The following RORA variants were observed in gnomAD, a reference collection of about 807,000 sequenced individuals.
The protein encoded by RORA is RAR related orphan receptor A, also known as nuclear receptor ROR-alpha.
RORA carries 7 observed loss-of-function variants against 69.5 expected under a neutral mutation model. The observed-to-expected ratio is 0.10, with a 90% CI of 0.06 to 0.19. The LOEUF is 0.19. Among genes scored for constraint, RORA ranks in the 10% least tolerant of loss-of-function variants. The pLI, the probability that RORA is intolerant of heterozygous loss-of-function variation, is 1.00. For missense variants in RORA, 457 were observed against 663.0 expected (o/e 0.69, Z 3.41); for synonymous variants, 261 against 240.8 (o/e 1.08, Z -0.78).
intron 1 of RORA, among the ~76,000 whole-genome samples, chr15:61,033,452 A>C (rs1287780640): frequency 1.3e-5 from 2 of 150,742 alleles, no homozygotes; most frequent in African/African-American, 4.9e-5. Context: ...GGGACCCTTC[A>C]AATTTGTTAA....
intron 2 of RORA, chr15:60,627,335 C>T: frequency 6.2e-7 from 1 of 1,614,222 alleles, no homozygotes; most frequent in East Asian, 2.2e-5. Context: ...ACTCTTGCCT[C>T]AGTCTCTAAG....
chr15:60,879,209 G>A (rs1595786820), intron 1 of RORA, among the ~76,000 whole-genome samples: 1 of 152,288 alleles, frequency 6.6e-6, no homozygotes, highest in East Asian at 1.9e-4. Flanking sequence ...GGGGTTTACT[G>A]CAATAGAGAA....
At chr15:60,527,407 C>T (rs1050257266) in intron 3 of RORA, among the ~76,000 whole-genome samples, 2 of 152,238 alleles carry the variant, frequency 1.3e-5, no homozygotes, top group African/African-American at 2.4e-5. Context: ...TATTTTTATT[C>T]ACTTTGAAGA....
intron 1 of RORA, among the ~76,000 whole-genome samples, chr15:60,793,336 T>C (rs879336483): frequency 1.3e-5 from 2 of 152,188 alleles, no homozygotes; most frequent in African/African-American, 2.4e-5. Flanking sequence ...CTTAGAAGTG[T>C]CTTACACACC....
chr15:60,605,284 T>G (rs550844445), intron 2 of RORA, among the ~76,000 whole-genome samples: 4 of 152,034 alleles, frequency 2.6e-5, no homozygotes, highest in Non-Finnish European at 5.9e-5. Flanking sequence ...GAGTTTGTAC[T>G]CTCTGGAAAC....
At chr15:61,111,448 C>T (rs983268995) in intron 1 of RORA, among the ~76,000 whole-genome samples, 6 of 152,178 alleles carry the variant, frequency 3.9e-5, no homozygotes, top group Non-Finnish European at 7.4e-5. Flanking sequence ...GATGGCAACA[C>T]TACAAAATAA....
intron 1 of RORA, among the ~76,000 whole-genome samples, chr15:60,867,080 G>A (rs2073498292): frequency 6.6e-6 from 1 of 152,056 alleles, no homozygotes; most frequent in South Asian, 2.1e-4. Flanking sequence ...TTCCCAGGCT[G>A]GTCTTGAACT....
chr15:60,725,109 A>C (rs2553228), intron 1 of RORA, among the ~76,000 whole-genome samples: 7,413 of 152,294 alleles, frequency 0.049, 630 homozygotes, highest in African/African-American at 0.17. Context: ...AATTGACTTA[A>C]TTTCAATCTA....
At chr15:61,157,512 T>C (rs1377671539) in intron 1 of RORA, among the ~76,000 whole-genome samples, 1 of 152,186 alleles carries the variant, frequency 6.6e-6, no homozygotes, top group Non-Finnish European at 1.5e-5. Context: ...ACTACACAGA[T>C]ACAATATATT....
intron 1 of RORA, among the ~76,000 whole-genome samples, chr15:60,874,316 GC>G (rs1299727228): frequency 6.6e-6 from 1 of 152,058 alleles, no homozygotes; most frequent in Admixed American, 6.6e-5. Flanking sequence ...TATGCATTAA[GC>G]ATCAACTGTG....
At chr15:60,811,544 A>G (rs2072742801) in intron 1 of RORA, among the ~76,000 whole-genome samples, 1 of 152,250 alleles carries the variant, frequency 6.6e-6, no homozygotes, top group South Asian at 2.1e-4. Flanking sequence ...TGTGTATTTA[A>G]TCTGCTATCT....
intron 1 of RORA, among the ~76,000 whole-genome samples, chr15:60,997,268 G>A (rs969397743): frequency 5.3e-5 from 8 of 152,126 alleles, no homozygotes; most frequent in African/African-American, 1.7e-4. Flanking sequence ...GCACTTCAGA[G>A]GTGAAAAGGT....
At chr15:61,140,308 G>T (rs2079285908) in intron 1 of RORA, among the ~76,000 whole-genome samples, 1 of 152,202 alleles carries the variant, frequency 6.6e-6, no homozygotes, top group Non-Finnish European at 1.5e-5. Flanking sequence ...TGCTTTTAAA[G>T]TAGGTTAAGG....
Position 60,572,269 on chromosome 15 carries a change from G to A in RORA, c.197-40418C>T, listed in dbSNP as rs201746493. ...CTGCATTTCACATGGCCAGCAAAGG[G>A]CAAAGAGGGGACAATCACTGAGAAA... On this transcript the variant is annotated intron_variant, in intron 2 of 10. Coordinates refer to ENST00000335670, the MANE Select transcript of RORA (RefSeq NM_134261.3). Among the ~76,000 whole-genome samples the A allele has an allele frequency of 2.1e-4, 32 of 152,302 alleles. No homozygotes were observed. In the East Asian group the frequency reaches 5.8e-3, roughly 28 times the overall value.
At chr15:60,988,756 C>T (rs1894284761) in intron 1 of RORA, among the ~76,000 whole-genome samples, 2 of 152,150 alleles carry the variant, frequency 1.3e-5, no homozygotes, top group South Asian at 4.1e-4. Context: ...TGCAGTTTAA[C>T]AGACACTAAC....
At chr15:60,574,935 AG>A (rs2067983568) in intron 2 of RORA, among the ~76,000 whole-genome samples, 1 of 152,078 alleles carries the variant, frequency 6.6e-6, no homozygotes. Flanking sequence ...CACCCGGAAG[AG>A]CCAGGAGAGA....
In RORA at chr15:60,747,434, C is replaced by T. The variant is rs534299895; in HGVS notation, c.167-68748G>A. 5.3e-5 allele frequency among the ~76,000 whole-genome samples: 8 copies of T among 152,140 alleles called. No individual in the cohort carries two copies. In the South Asian group the frequency reaches 1.0e-3, roughly 20 times the overall value. The stretch of plus-strand genomic sequence containing the variant: ...GTGACTGGAAGTAGAGCAAAGATAT[C>T]GAAACAGATTTTTTAAAATTGGCAT... On this transcript the variant is annotated intron_variant, in intron 1 of 10. Transcript: ENST00000335670.
chr15:60,557,460 T>C (rs1028079625), intron 2 of RORA, among the ~76,000 whole-genome samples: 2 of 152,236 alleles, frequency 1.3e-5, no homozygotes, highest in Non-Finnish European at 2.9e-5. Context: ...AAGTTTTGGC[T>C]GAGTTACTTT....
At chr15:60,983,584 A>T (rs762869419) in intron 1 of RORA, among the ~76,000 whole-genome samples, 1 of 152,154 alleles carries the variant, frequency 6.6e-6, no homozygotes, top group African/African-American at 2.4e-5. Context: ...CATCTACATA[A>T]TAAGAACCTT....
Sources: allele counts gnomAD v4.1 joint callset (sites outside exome capture counted in the v4.1 genomes callset), GRCh38; gene constraint gnomAD v4.1.1; transcripts MANE v1.5; gene names NCBI Gene and HGNC (gene_info 2026-07-23, HGNC 2026-07-21).